CDC42BPA: variants seen among roughly 807,000 people sequenced by gnomAD.
CDC42BPA encodes serine/threonine-protein kinase MRCK alpha.
CDC42BPA carries 80 observed loss-of-function variants against 223.5 expected under a neutral mutation model. The observed-to-expected ratio is 0.36, with a 90% CI of 0.30 to 0.43. CDC42BPA has a LOEUF of 0.43. Among genes scored for constraint, CDC42BPA ranks in the 20% least tolerant of loss-of-function variants. The pLI is 1.00. For synonymous variants in CDC42BPA, 694 were observed against 718.6 expected (o/e 0.97, Z 0.55); for missense variants, 1,743 against 2,099.9 (o/e 0.83, Z 3.32).
chr1:227,316,362 T>C (rs1311737035), intron 1 of CDC42BPA, among the ~76,000 whole-genome samples: 3 of 152,212 alleles, frequency 2.0e-5, no homozygotes, highest in Non-Finnish European at 4.4e-5. Flanking sequence ...CCAGTTTAGA[T>C]TTAAATTAAC....
intron 1 of CDC42BPA, among the ~76,000 whole-genome samples, chr1:227,302,560 T>C (rs1053784316): frequency 2.6e-5 from 4 of 152,212 alleles, no homozygotes; most frequent in Non-Finnish European, 1.5e-5. Flanking sequence ...CCCAGAGTTT[T>C]AGGAATTGCA....
chr1:227,213,733 A>G (rs1478388795), intron 2 of CDC42BPA, among the ~76,000 whole-genome samples: 2 of 152,158 alleles, frequency 1.3e-5, no homozygotes, highest in African/African-American at 4.8e-5. Flanking sequence ...ATACTCTTAC[A>G]TACTATACCA....
intron 24 of CDC42BPA, among the ~76,000 whole-genome samples, chr1:227,039,611 T>C (rs987128072): frequency 2.0e-5 from 3 of 152,104 alleles, no homozygotes; most frequent in African/African-American, 7.2e-5. Context: ...TCTATGAGGG[T>C]AGGATCTATG....
intron 29 of CDC42BPA, 130 bp from the exon 30 acceptor site, chr1:227,029,380 AAAAAAG>A (rs1378518184): frequency 1.7e-5 from 11 of 631,644 alleles, no homozygotes; most frequent in Non-Finnish European, 2.7e-5. Context: ...AGTCACAGGA[AAAAAAG>A]ATTATCCAAC....
At chr1:227,132,396 G>T (rs1257419683) in intron 10 of CDC42BPA, among the ~76,000 whole-genome samples, 1 of 151,568 alleles carries the variant, frequency 6.6e-6, no homozygotes, top group East Asian at 1.9e-4. Context: ...GCCTCCCGAG[G>T]TGCCGGGATT....
intron 14 of CDC42BPA, among the ~76,000 whole-genome samples, chr1:227,104,167 A>ATTC (rs1558505357): frequency 6.6e-6 from 1 of 152,122 alleles, no homozygotes; most frequent in African/African-American, 2.4e-5. Flanking sequence ...CTAATAAACC[A>ATTC]AGAAATAAAG....
chr1:227,302,149 C>T (rs1295725260), intron 1 of CDC42BPA, among the ~76,000 whole-genome samples: 2 of 152,170 alleles, frequency 1.3e-5, no homozygotes, highest in Non-Finnish European at 2.9e-5. Flanking sequence ...TCTACTCTCT[C>T]CTGCATTGTA....
intron 1 of CDC42BPA, among the ~76,000 whole-genome samples, chr1:227,297,939 T>C (rs1690928993): frequency 1.2e-5 from 1 of 80,292 alleles, no homozygotes; most frequent in South Asian, 4.7e-4. Context: ...AATTTTGTTT[T>C]ATGTGTGTGT....
At chr1:227,194,534 T>C (rs1670344681) in intron 4 of CDC42BPA, among the ~76,000 whole-genome samples, 1 of 152,160 alleles carries the variant, frequency 6.6e-6, no homozygotes, top group East Asian at 1.9e-4. Flanking sequence ...GTGTATATAA[T>C]AAACAGAAGC....
In CDC42BPA at chr1:227,116,569, CAAGAA is replaced by C. The variant is rs1269673927; in HGVS notation, c.1647+3230_1647+3234del. ...TGAGGTTCTAGCTAATACAGTAAAACAAGAAAAGAAATGAAAGTCTTTTCTGTATG... is the reference window on the plus strand; with the variant it reads ...TGAGGTTCTAGCTAATACAGTAAAACAAGAAATGAAAGTCTTTTCTGTATG... On this transcript the variant is annotated intron_variant, in intron 12 of 36. Transcript: ENST00000366766. 2.6e-5 allele frequency among the ~76,000 whole-genome samples: 4 copies of C among 151,986 alleles called. No homozygotes were observed. In the East Asian group the frequency reaches 5.8e-4, roughly 22 times the overall value.
At chr1:227,300,306 C>T (rs1691395628) in intron 1 of CDC42BPA, among the ~76,000 whole-genome samples, 1 of 152,112 alleles carries the variant, frequency 6.6e-6, no homozygotes, top group Non-Finnish European at 1.5e-5. Context: ...CCAGCAATCC[C>T]ACTGCTGGGT....
chr1:227,050,931 GTGATAT>G (rs1673409195), intron 22 of CDC42BPA, among the ~76,000 whole-genome samples: 1 of 152,078 alleles, frequency 6.6e-6, no homozygotes, highest in South Asian at 2.1e-4. Context: ...TAATCTGTGG[GTGATAT>G]TTACATGGGT....
At chr1:227,018,860 T>C (rs1483160328) in intron 32 of CDC42BPA, among the ~76,000 whole-genome samples, 1 of 152,244 alleles carries the variant, frequency 6.6e-6, no homozygotes, top group African/African-American at 2.4e-5. Context: ...AAATGCTTTA[T>C]TGCCAAAAAT....
At chr1:227,288,143 G>C (rs1278463924) in intron 1 of CDC42BPA, among the ~76,000 whole-genome samples, 2 of 152,110 alleles carry the variant, frequency 1.3e-5, no homozygotes, top group Admixed American at 6.6e-5. Flanking sequence ...TGGTCTGTGG[G>C]ATCCCAAACA....
At chr1:227,296,035 A>T (rs1690581240) in intron 1 of CDC42BPA, among the ~76,000 whole-genome samples, 1 of 152,224 alleles carries the variant, frequency 6.6e-6, no homozygotes, top group Admixed American at 6.5e-5. Context: ...CACAATATGG[A>T]ACTGCAAGGA....
At chr1:227,020,699 T>C (rs893275165) in intron 32 of CDC42BPA, among the ~76,000 whole-genome samples, 1 of 152,228 alleles carries the variant, frequency 6.6e-6, no homozygotes, top group Non-Finnish European at 1.5e-5. Context: ...GCAATAAGGT[T>C]GTTTCACTTT....
intron 34 of CDC42BPA, among the ~76,000 whole-genome samples, chr1:227,009,834 T>C (rs749649708): frequency 3.9e-5 from 6 of 152,182 alleles, no homozygotes; most frequent in Non-Finnish European, 7.3e-5. Context: ...ATTTAAGTGA[T>C]ATAATAATTT....
intron 16 of CDC42BPA, among the ~76,000 whole-genome samples, chr1:227,091,112 C>A (rs114222742): frequency 6.6e-6 from 1 of 152,126 alleles, no homozygotes; most frequent in East Asian, 1.9e-4. Flanking sequence ...TACAATTTCT[C>A]CAGGTTTGGC....
chr1:227,194,792 A>G (rs1418653060), intron 4 of CDC42BPA, among the ~76,000 whole-genome samples: 1 of 152,228 alleles, frequency 6.6e-6, no homozygotes, highest in Non-Finnish European at 1.5e-5. Context: ...GTAGTCAGAG[A>G]AACCTGTATT....
Sources: allele counts gnomAD v4.1 joint callset (sites outside exome capture counted in the v4.1 genomes callset), GRCh38; gene constraint gnomAD v4.1.1; transcripts MANE v1.5; gene names NCBI Gene and HGNC (gene_info 2026-07-23, HGNC 2026-07-21).